OVOL2: variants seen among roughly 807,000 people sequenced by gnomAD.
OVOL2 encodes the protein ovo like zinc finger 2, also known as transcription factor Ovo-like 2.
In OVOL2, 13 loss-of-function variants were observed where a neutral mutation model predicts 18.1. The observed-to-expected ratio is 0.72, with a 90% CI of 0.47 to 1.14. OVOL2 has a LOEUF of 1.14. Among genes scored for constraint, OVOL2 ranks in the 50% most tolerant of loss-of-function variants. OVOL2 has a pLI of 0.00. For synonymous variants in OVOL2, 166 were observed against 162.7 expected (o/e 1.02, Z -0.16); for missense variants, 335 against 383.0 (o/e 0.87, Z 1.05).
chr20:18,050,369 T>C (rs952205395), intron 2 of OVOL2, among the ~76,000 whole-genome samples: 1 of 152,214 alleles, frequency 6.6e-6, no homozygotes, highest in Non-Finnish European at 1.5e-5. Flanking sequence ...AGGTGGCAGC[T>C]TCCTGATTGG....
chr20:18,056,969 C>A lies in OVOL2; in HGVS notation c.101-92G>T. 7.4e-7 allele frequency: 1 copy of A among 1,354,664 alleles called. No homozygotes were observed. Among genetic ancestry groups the A allele is most frequent in the Non-Finnish European group, 9.5e-7 (1 of 1,054,876 alleles). The allele number at this position is 1,354,664 out of a possible 1,614,324, so 83.9% of individuals were successfully genotyped here. ...GACCTGCGGGCGGTGCTGCCGCCGCCCCGCCCCGGACCTGGGCACCTCGCC... is the reference window on the plus strand; with the variant it reads ...GACCTGCGGGCGGTGCTGCCGCCGCACCGCCCCGGACCTGGGCACCTCGCC... On this transcript the variant is annotated intron_variant, in intron 1 of 3. Coordinates refer to ENST00000278780, the MANE Select transcript of OVOL2 (RefSeq NM_021220.4). The surrounding 1 kb of genome is among the most constrained non-coding windows in gnomAD (Gnocchi z 4.2).
rs751236489 is a variant in OVOL2, at chr20:18,041,545, C to T, written c.500G>A (p.Arg167His). The T allele has an allele frequency of 5.6e-6, 9 of 1,612,198 alleles. No homozygotes were observed. Among genetic ancestry groups the T allele is most frequent in the South Asian group, 2.2e-5 (2 of 91,014 alleles). The change falls in exon 3 of 4, where the codon CGC (arginine) becomes CAC (histidine). Residue 167 changes from arginine to histidine, a missense_variant. Arg to His is a conservative substitution (Grantham distance 29). Transcript: ENST00000278780. ...NDTFDLKRHVRTHTGIRPYKC... is the reference protein window; with the variant it reads ...NDTFDLKRHVHTHTGIRPYKC... ...CACTCCCCGCTCACCTGTGTGTGTG[C>T]GGACGTGCCTCTTCAGGTCGAAGGT...
chr20:18,035,315 G>C lies in OVOL2; in HGVS notation c.511+6219C>G, dbSNP rs113808659. ...AAAATACAAAAATTAGCCAGGCGTGGTGGCATGTGCCTATAATCCCAGCTA... is the reference window on the plus strand; with the variant it reads ...AAAATACAAAAATTAGCCAGGCGTGCTGGCATGTGCCTATAATCCCAGCTA... On this transcript the variant is annotated intron_variant, in intron 3 of 3. Coordinates refer to ENST00000278780, the MANE Select transcript of OVOL2 (RefSeq NM_021220.4). Among the ~76,000 whole-genome samples, 899 of 152,284 alleles carry C rather than the reference G, an allele frequency of 5.9e-3. 19 individuals are homozygous for C. Among genetic ancestry groups the C allele is most frequent in the African/African-American group, 0.021 (860 of 41,552 alleles).
chr20:18,051,988 C>A (rs1026152409), intron 2 of OVOL2, among the ~76,000 whole-genome samples: 19 of 152,150 alleles, frequency 1.2e-4, no homozygotes, highest in Non-Finnish European at 2.8e-4. Flanking sequence ...GATCCGCCCG[C>A]CTCGGCCTCC....
chr20:18,031,792 C>G (rs1397796347), intron 3 of OVOL2, among the ~76,000 whole-genome samples: 1 of 152,164 alleles, frequency 6.6e-6, no homozygotes, highest in African/African-American at 2.4e-5. Flanking sequence ...CCTGTCCTAC[C>G]TAGTCCGAAA....
At chr20:18,027,477 G>A (rs1318298917) in intron 3 of OVOL2, among the ~76,000 whole-genome samples, 3 of 150,656 alleles carry the variant, frequency 2.0e-5, no homozygotes, top group Admixed American at 1.3e-4. Flanking sequence ...GCAGTGAGTC[G>A]AGATTGTGCC....
intron 2 of OVOL2, among the ~76,000 whole-genome samples, chr20:18,055,659 T>C (rs1260665885): frequency 2.6e-5 from 4 of 152,150 alleles, no homozygotes; most frequent in African/African-American, 9.7e-5. Flanking sequence ...AGGGGTCCTT[T>C]CTCAATCCAC....
intron 2 of OVOL2, among the ~76,000 whole-genome samples, chr20:18,046,519 C>T (rs1045059235): frequency 6.6e-6 from 1 of 152,230 alleles, no homozygotes; most frequent in South Asian, 2.1e-4. Flanking sequence ...AGTCATCCCA[C>T]AGAGGTGGAT....
rs918095092 is a variant in OVOL2 at position 18,057,873 on chromosome 20, G to A, written c.-239C>T. On this transcript the variant is annotated 5_prime_UTR_variant, in exon 1 of 4. Coordinates refer to ENST00000278780, the MANE Select transcript of OVOL2 (RefSeq NM_021220.4). The surrounding 1 kb of genome is among the most constrained non-coding windows in gnomAD (Gnocchi z 6.3). ...AAATCGCGAGTGAGACCACGCCGGGGAAAAAGTTTCATAAGGTGGAATAGA... is the reference window on the plus strand; with the variant it reads ...AAATCGCGAGTGAGACCACGCCGGGAAAAAAGTTTCATAAGGTGGAATAGA... 3.0e-6 allele frequency: 4 copies of A among 1,336,408 alleles called. No individual in the cohort carries two copies. Among genetic ancestry groups the A allele is most frequent in the Non-Finnish European group, 3.8e-6 (4 of 1,050,108 alleles). The allele number at this position is 1,336,408 out of a possible 1,614,324, so 82.8% of individuals were successfully genotyped here. A position where few individuals can be genotyped will look rare whatever the true frequency, so the allele number is the denominator to read the frequency against.
intron 2 of OVOL2, among the ~76,000 whole-genome samples, chr20:18,054,686 GAGCTAAGATCCAGCCATTGCACTC>G (rs1197395560): frequency 6.7e-6 from 1 of 148,760 alleles, no homozygotes; most frequent in Non-Finnish European, 1.5e-5. Context: ...AGGTTGCAGT[GAGCTAAGATCCAGCCATTGCACTC>G]AGCTAAGATC....
rs2036840412 is a variant in OVOL2 at position 18,057,457 on chromosome 20, G to A, written c.100+78C>T. The A allele has an allele frequency of 2.9e-5, 43 of 1,480,328 alleles. No homozygotes were observed. In the South Asian group the frequency reaches 4.6e-4, roughly 16 times the overall value. 91.7% of individuals were successfully genotyped at this position (1,480,328 alleles called of 1,614,324 possible). A position where few individuals can be genotyped will look rare whatever the true frequency, so the allele number is the denominator to read the frequency against. On this transcript the variant is annotated intron_variant, in intron 1 of 3. Coordinates refer to ENST00000278780, the MANE Select transcript of OVOL2 (RefSeq NM_021220.4). This position sits in a 1 kb window ranked among gnomAD's most constrained non-coding sequence, Gnocchi z 6.3. ...ATGAGGTGGGGAGCCCGCCCCTGCC[G>A]ATGAGCAGAGAAGACCCGCCACCCC...
At chr20:18,035,262 C>A (rs1422222831) in intron 3 of OVOL2, among the ~76,000 whole-genome samples, 1 of 152,122 alleles carries the variant, frequency 6.6e-6, no homozygotes, top group Non-Finnish European at 1.5e-5. Context: ...ACCAGTCTGG[C>A]CAACATGGTG....
Position 18,057,678 on chromosome 20 carries a change from C to T in OVOL2, c.-44G>A. On this transcript the variant is annotated 5_prime_UTR_variant, in exon 1 of 4. Coordinates refer to ENST00000278780, the MANE Select transcript of OVOL2 (RefSeq NM_021220.4). This position sits in a 1 kb window ranked among gnomAD's most constrained non-coding sequence, Gnocchi z 6.3. Reference sequence around the variant, plus strand: ...GACTGCGGCCCCCTCCTCCCGGCTGCTCCCCGCTAGGGGCAACGGCGGCGG... The same window carrying T: ...GACTGCGGCCCCCTCCTCCCGGCTGTTCCCCGCTAGGGGCAACGGCGGCGG... 1.3e-6 allele frequency: 2 copies of T among 1,531,106 alleles called. No individual in the cohort carries two copies. The highest frequency in any genetic ancestry group is 1.8e-6 in the Non-Finnish European group (2 of 1,137,584). 94.8% of individuals were successfully genotyped at this position (1,531,106 alleles called of 1,614,324 possible). A position where few individuals can be genotyped will look rare whatever the true frequency, so the allele number is the denominator to read the frequency against.
chr20:18,054,631 G>C (rs1333755557), intron 2 of OVOL2, among the ~76,000 whole-genome samples: 1 of 151,438 alleles, frequency 6.6e-6, no homozygotes, highest in Non-Finnish European at 1.5e-5. Flanking sequence ...AATCCCAGCT[G>C]CTCGGAAGGC....
At chr20:18,047,979 G>A (rs1600449411) in intron 2 of OVOL2, among the ~76,000 whole-genome samples, 1 of 151,728 alleles carries the variant, frequency 6.6e-6, no homozygotes, top group South Asian at 2.1e-4. Flanking sequence ...TAAACAAAAG[G>A]TAATTGGTCA....
At chr20:18,051,256 C>T (rs1233107688) in intron 2 of OVOL2, among the ~76,000 whole-genome samples, 2 of 151,914 alleles carry the variant, frequency 1.3e-5, no homozygotes, top group African/African-American at 4.8e-5. Context: ...ACTAATTAGC[C>T]ATCAATGGAG....
Position 18,057,409 on chromosome 20 carries a change from C to T in OVOL2, c.100+126G>A. On this transcript the variant is annotated intron_variant, in intron 1 of 3. Coordinates refer to ENST00000278780, the MANE Select transcript of OVOL2 (RefSeq NM_021220.4). This position sits in a 1 kb window ranked among gnomAD's most constrained non-coding sequence, Gnocchi z 6.3. ...TGCCCTAACCCGCCTAGAAGACCCC[C>T]GCGTGCCCCCCGGAAGAGGGGGATG... is the stretch of plus-strand genomic sequence containing the variant. 1 of 1,137,408 alleles carries T rather than the reference C, an allele frequency of 8.8e-7. No homozygotes were observed. The highest frequency in any genetic ancestry group is 1.2e-6 in the Non-Finnish European group (1 of 810,038). 70.5% of individuals were successfully genotyped at this position (1,137,408 alleles called of 1,614,324 possible).
chr20:18,042,822 T>G (rs143872659), intron 2 of OVOL2, among the ~76,000 whole-genome samples: 6 of 150,718 alleles, frequency 4.0e-5, no homozygotes, highest in Admixed American at 4.0e-4. Context: ...CCCTCTCTCT[T>G]GCTTCCTCCC....
Position 18,056,916 on chromosome 20 carries a change from G to C in OVOL2, c.101-39C>G. On this transcript the variant is annotated intron_variant, in intron 1 of 3. Transcript: ENST00000278780. The surrounding 1 kb of genome is among the most constrained non-coding windows in gnomAD (Gnocchi z 4.2). ...GGCCGCGCCCCGACACACACACTCGGCGTCAACCCGCACGCCCGCGGCAGT... is the reference window on the plus strand; with the variant it reads ...GGCCGCGCCCCGACACACACACTCGCCGTCAACCCGCACGCCCGCGGCAGT... 1 of 1,451,752 alleles carries C rather than the reference G, an allele frequency of 6.9e-7. No individual in the cohort carries two copies. Among genetic ancestry groups the C allele is most frequent in the Non-Finnish European group, 9.0e-7 (1 of 1,110,778 alleles). 89.9% of individuals were successfully genotyped at this position (1,451,752 alleles called of 1,614,324 possible). A position where few individuals can be genotyped will look rare whatever the true frequency, so the allele number is the denominator to read the frequency against.
Sources: gnomAD v4.1 joint callset for allele counts (sites outside exome capture counted in the v4.1 genomes callset) on GRCh38, gnomAD v4.1.1 for gene constraint, Gnocchi (gnomAD v3.1) non-coding constraint, MANE v1.5 for transcripts, NCBI Gene and HGNC (gene_info 2026-07-23, HGNC 2026-07-21) for gene names.